Variants in CNBD1 observed in about 807,000 individuals in gnomAD.
CNBD1 encodes the protein cyclic nucleotide binding domain containing 1.
In CNBD1, 71 loss-of-function variants were observed where a neutral mutation model predicts 54.4. That is an observed-to-expected ratio of 1.30 (90% CI 1.08 to 1.59). The LOEUF (loss-of-function observed/expected upper bound fraction) is 1.59. CNBD1 is among the 40% of genes most tolerant of loss of function. The probability of loss-of-function intolerance (pLI) is 0.00; values close to 1 mark genes in which losing one functional copy is unlikely to be tolerated. For missense variants in CNBD1, 659 were observed against 518.0 expected (o/e 1.27, Z -2.64); for synonymous variants, 182 against 170.7 (o/e 1.07, Z -0.51).
chr8:87,334,363 G>C (rs62526773), intron 8 of CNBD1, among the ~76,000 whole-genome samples: 21,347 of 151,620 alleles, frequency 0.14, 1,957 homozygotes, highest in Admixed American at 0.24. Context: ...AGGATTTTCT[G>C]TGTCTCTATC....
chr8:87,344,822 A>T (rs1024350031), intron 8 of CNBD1, among the ~76,000 whole-genome samples: 1 of 152,156 alleles, frequency 6.6e-6, no homozygotes, highest in Non-Finnish European at 1.5e-5. Context: ...TCTCTGAAAC[A>T]ATGCTGCTTA....
chr8:87,076,431 T>C (rs972318427), intron 4 of CNBD1, among the ~76,000 whole-genome samples: 8 of 152,108 alleles, frequency 5.3e-5, no homozygotes, highest in Non-Finnish European at 8.8e-5. Flanking sequence ...AATAAAATAT[T>C]AAATAGTGTA....
intron 10 of CNBD1, among the ~76,000 whole-genome samples, chr8:87,374,055 A>G (rs1810874046): frequency 6.6e-6 from 1 of 151,792 alleles, no homozygotes; most frequent in Admixed American, 6.6e-5. Context: ...GGTTGATTAT[A>G]TTGTTTGGCA....
chr8:87,274,534 T>C (rs919953124), intron 6 of CNBD1, among the ~76,000 whole-genome samples: 1 of 148,950 alleles, frequency 6.7e-6, no homozygotes, highest in Non-Finnish European at 1.5e-5. Flanking sequence ...ATGGTGAGCA[T>C]TTTTTCTTGT....
In CNBD1 at chr8:87,343,065, C is replaced by A. The variant is rs190793941; in HGVS notation, c.1043-8620C>A. 5.9e-4 allele frequency among the ~76,000 whole-genome samples: 90 copies of A among 152,244 alleles called. 1 individual carries two copies. The East Asian group carries it at 0.016, about 27-fold the overall frequency. On this transcript the variant is annotated intron_variant, in intron 8 of 10. Transcript: ENST00000518476. ...TACCCCCAGGAATGCATTCCTTCCC[C>A]AGGGTTATTCCTTGCTGCAAAAAGA...
intron 4 of CNBD1, among the ~76,000 whole-genome samples, chr8:87,106,546 TA>T (rs1479704604): frequency 6.6e-6 from 1 of 152,236 alleles, no homozygotes; most frequent in Non-Finnish European, 1.5e-5. Flanking sequence ...TCAGTTACTT[TA>T]TAATCAAATA....
intron 7 of CNBD1, 58 bp from the exon 8 acceptor site, chr8:87,286,481 A>G: frequency 1.0e-6 from 1 of 998,056 alleles, no homozygotes; most frequent in South Asian, 1.5e-5. Flanking sequence ...TCTATTTGCT[A>G]TTTCTTTGAT....
chr8:87,381,945 A>G (rs1811084262), intron 10 of CNBD1, among the ~76,000 whole-genome samples: 2 of 151,996 alleles, frequency 1.3e-5, no homozygotes, highest in Non-Finnish European at 2.9e-5. Context: ...ACCTATAGTC[A>G]ACAATATTGT....
At chr8:86,916,096 G>A (rs1809180092) in intron 3 of CNBD1, among the ~76,000 whole-genome samples, 1 of 152,130 alleles carries the variant, frequency 6.6e-6, no homozygotes, top group South Asian at 2.1e-4. Flanking sequence ...GTAGGAGGAA[G>A]ATATAAAATG....
intron 5 of CNBD1, among the ~76,000 whole-genome samples, chr8:87,229,212 G>A (rs1456627572): frequency 1.3e-5 from 2 of 152,166 alleles, no homozygotes; most frequent in Non-Finnish European, 2.9e-5. Flanking sequence ...CCCGTCTTCT[G>A]CATCGCTCAG....
chr8:87,369,010 C>G (rs1810703402), intron 10 of CNBD1, among the ~76,000 whole-genome samples: 2 of 151,948 alleles, frequency 1.3e-5, no homozygotes, highest in Admixed American at 1.3e-4. Flanking sequence ...CACTCTGCCT[C>G]CAGGATCCAT....
chr8:87,418,716 C>T (rs1016287917), intron 2 of CNBD1, among the ~76,000 whole-genome samples: 3 of 151,866 alleles, frequency 2.0e-5, no homozygotes, highest in Non-Finnish European at 4.4e-5. Context: ...ATACAAATTT[C>T]TTCAAAGTGG....
At chr8:86,905,222 G>A (rs777852246) in intron 3 of CNBD1, 28 bp downstream of exon 3, 1 of 1,282,500 alleles carries the variant, frequency 7.8e-7, no homozygotes, top group Non-Finnish European at 1.1e-6. Context: ...TGAAAGCAAG[G>A]TTGATGGGTG....
intron 4 of CNBD1, among the ~76,000 whole-genome samples, chr8:87,042,254 G>A (rs924465794): frequency 2.6e-5 from 4 of 152,174 alleles, no homozygotes; most frequent in African/African-American, 7.2e-5. Context: ...TCCCAGTGGA[G>A]AAATTGCTTT....
At chr8:87,388,293 C>CA (rs1218784465) in intron 2 of CNBD1, among the ~76,000 whole-genome samples, 2 of 151,886 alleles carry the variant, frequency 1.3e-5, no homozygotes, top group Non-Finnish European at 2.9e-5. Context: ...AAAAACCCTT[C>CA]AAAAAATCAA....
chr8:87,179,073 G>A (rs1273702923), intron 4 of CNBD1, among the ~76,000 whole-genome samples: 2 of 152,060 alleles, frequency 1.3e-5, no homozygotes, highest in East Asian at 3.9e-4. Context: ...ACCATGCCCA[G>A]CTAATTTTTG....
At chr8:87,100,952 T>TA (rs1490200178) in intron 4 of CNBD1, among the ~76,000 whole-genome samples, 1 of 152,124 alleles carries the variant, frequency 6.6e-6, no homozygotes, top group Non-Finnish European at 1.5e-5. Flanking sequence ...CCAATTTTAG[T>TA]AAAACCAGCA....
intron 4 of CNBD1, among the ~76,000 whole-genome samples, chr8:87,202,933 CT>C (rs1303549309): frequency 6.6e-6 from 1 of 152,096 alleles, no homozygotes; most frequent in Non-Finnish European, 1.5e-5. Flanking sequence ...CCCATGAGGC[CT>C]GCCAGCTAAA....
intron 10 of CNBD1, among the ~76,000 whole-genome samples, chr8:87,368,230 T>C (rs986924525): frequency 2.0e-5 from 3 of 149,190 alleles, no homozygotes; most frequent in Middle Eastern, 3.4e-3. Context: ...ATTTGGGAAG[T>C]AGCCTAAGAA....
Sources: allele counts gnomAD v4.1 joint callset (sites outside exome capture counted in the v4.1 genomes callset), GRCh38; gene constraint gnomAD v4.1.1; transcripts MANE v1.5; gene names NCBI Gene and HGNC (gene_info 2026-07-23, HGNC 2026-07-21).